AFG2A: variants seen among roughly 807,000 people sequenced by gnomAD.
AFG2A encodes ATPase family gene 2 protein homolog A.
the AFG2A span, among the ~76,000 whole-genome samples, chr4:123,285,685 C>T: frequency 6.6e-6 from 1 of 152,250 alleles, no homozygotes; most frequent in East Asian, 1.9e-4. Flanking sequence ...GATGCTTTCC[C>T]TCCCTCATCT....
At chr4:123,112,592 A>G in the AFG2A span, among the ~76,000 whole-genome samples, 1 of 152,206 alleles carries the variant, frequency 6.6e-6, no homozygotes, top group Non-Finnish European at 1.5e-5. Context: ...GAGAATAGTG[A>G]TATGGAATCA....
At chr4:123,117,503 C>T in the AFG2A span, among the ~76,000 whole-genome samples, 762 of 149,500 alleles carry the variant, frequency 5.1e-3, 2 homozygotes, top group African/African-American at 0.017. Context: ...GAGCATATAA[C>T]CTATAAACAT....
the AFG2A span, among the ~76,000 whole-genome samples, chr4:123,082,266 T>C: frequency 1.1e-3 from 160 of 152,294 alleles, no homozygotes; most frequent in Non-Finnish European, 1.7e-3. Flanking sequence ...ATTTGTGTTT[T>C]ACATGTAGGT....
chr4:123,290,668 G>A, the AFG2A span, among the ~76,000 whole-genome samples: 1 of 152,140 alleles, frequency 6.6e-6, no homozygotes, highest in African/African-American at 2.4e-5. Context: ...GATGGCAGCA[G>A]GCAAAAAGAG....
chr4:123,041,674 A>G, the AFG2A span, among the ~76,000 whole-genome samples: 1 of 151,842 alleles, frequency 6.6e-6, no homozygotes, highest in South Asian at 2.1e-4. Context: ...GATTACAGGC[A>G]TGTGCTACTA....
the AFG2A span, among the ~76,000 whole-genome samples, chr4:123,198,859 G>A: frequency 1.3e-5 from 2 of 152,206 alleles, no homozygotes; most frequent in Admixed American, 1.3e-4. Context: ...TCAGGAATGT[G>A]TTGACATTTG....
the AFG2A span, among the ~76,000 whole-genome samples, chr4:123,271,248 C>T: frequency 3.3e-5 from 5 of 152,146 alleles, no homozygotes; most frequent in African/African-American, 9.7e-5. Context: ...CCTTCATGCT[C>T]ATTTGCCGTT....
the AFG2A span, among the ~76,000 whole-genome samples, chr4:123,224,837 AGT>A: frequency 2.0e-5 from 3 of 152,298 alleles, no homozygotes; most frequent in Non-Finnish European, 2.9e-5. Context: ...ACAGTGTAAA[AGT>A]GCTCCTATTT....
the AFG2A span, among the ~76,000 whole-genome samples, chr4:123,150,651 C>T: frequency 6.6e-6 from 1 of 152,180 alleles, no homozygotes; most frequent in Non-Finnish European, 1.5e-5. Context: ...CCCATGTGCT[C>T]ATGGATATGA....
chr4:123,148,662 G>A, the AFG2A span, among the ~76,000 whole-genome samples: 3 of 152,066 alleles, frequency 2.0e-5, no homozygotes, highest in Non-Finnish European at 4.4e-5. Flanking sequence ...TCTAACGTGG[G>A]ATAGGAGGCC....
At chr4:122,995,582 G>A in the AFG2A span, among the ~76,000 whole-genome samples, 2 of 152,072 alleles carry the variant, frequency 1.3e-5, no homozygotes, top group Non-Finnish European at 2.9e-5. Context: ...TTTTATAAAG[G>A]AGGAAAAATG....
chr4:123,239,011 A>T, the AFG2A span, among the ~76,000 whole-genome samples: 1 of 152,204 alleles, frequency 6.6e-6, no homozygotes, highest in East Asian at 1.9e-4. Flanking sequence ...TGGAGCTGAA[A>T]ACCATGGTAT....
the AFG2A span, among the ~76,000 whole-genome samples, chr4:123,095,708 A>AC: frequency 3.1e-4 from 3 of 9,762 alleles, no homozygotes; most frequent in South Asian, 0.016. Flanking sequence ...GCTAAAACTG[A>AC]TTAAAAAAAA....
At chr4:123,253,683 G>C in the AFG2A span, among the ~76,000 whole-genome samples, 1 of 152,026 alleles carries the variant, frequency 6.6e-6, no homozygotes, top group African/African-American at 2.4e-5. Context: ...CCATATACAA[G>C]TCTTTGTGTA....
the AFG2A span, among the ~76,000 whole-genome samples, chr4:123,211,699 C>T: frequency 1.3e-5 from 2 of 152,040 alleles, no homozygotes; most frequent in Non-Finnish European, 2.9e-5. Flanking sequence ...AGAGTCCTAA[C>T]GAGTAGTGAA....
At chr4:123,023,697 T>C in the AFG2A span, among the ~76,000 whole-genome samples, 1 of 152,106 alleles carries the variant, frequency 6.6e-6, no homozygotes, top group South Asian at 2.1e-4. Flanking sequence ...TTGGAAGAAT[T>C]ATCGTCTCGG....
the AFG2A span, among the ~76,000 whole-genome samples, chr4:123,171,828 T>TTA: frequency 2.0e-4 from 31 of 151,972 alleles, no homozygotes; most frequent in South Asian, 1.7e-3. Flanking sequence ...CCTTGATATT[T>TTA]TATATATATA....
the AFG2A span, among the ~76,000 whole-genome samples, chr4:123,297,934 G>C: frequency 6.6e-6 from 1 of 152,040 alleles, no homozygotes; most frequent in South Asian, 2.1e-4. Context: ...CATAGAAAAG[G>C]ATAGAGGGCA....
chr4:123,126,923 A>G, the AFG2A span, among the ~76,000 whole-genome samples: 1 of 152,324 alleles, frequency 6.6e-6, no homozygotes, highest in Non-Finnish European at 1.5e-5. Flanking sequence ...CCCGTTAATT[A>G]AAAATAAGAC....
Sources: allele counts gnomAD v4.1 joint callset (sites outside exome capture counted in the v4.1 genomes callset), GRCh38; gene constraint gnomAD v4.1.1; transcripts MANE v1.5; gene names NCBI Gene and HGNC (gene_info 2026-07-23, HGNC 2026-07-21).